RYK: variants seen among roughly 807,000 people sequenced by gnomAD.
RYK encodes the protein inactive tyrosine-protein kinase RYK.
Under a neutral mutation model 70.2 loss-of-function variants are expected in RYK, and 21 were observed. The ratio of observed to expected loss-of-function variants is 0.30; its 90% confidence interval spans 0.21 to 0.43. The LOEUF is 0.43. RYK is among the 20% of genes least tolerant of loss of function. RYK has a pLI of 1.00. For synonymous variants in RYK, 267 were observed against 278.0 expected (o/e 0.96, Z 0.39); for missense variants, 604 against 753.3 (o/e 0.80, Z 2.32).
intron 5 of RYK, among the ~76,000 whole-genome samples, chr3:134,204,619 A>ACACACG (rs1354112150): frequency 6.8e-6 from 1 of 147,624 alleles, no homozygotes; most frequent in Middle Eastern, 3.3e-3. Flanking sequence ...ACACACACAC[A>ACACACG]CACACACACG....
intron 2 of RYK, among the ~76,000 whole-genome samples, chr3:134,220,893 T>C (rs2014714579): frequency 6.6e-6 from 1 of 152,196 alleles, no homozygotes. Flanking sequence ...AAGGGAAGCA[T>C]TGTTTGAAAT....
intron 7 of RYK, among the ~76,000 whole-genome samples, chr3:134,193,945 C>T (rs1190687040): frequency 2.6e-5 from 4 of 152,146 alleles, no homozygotes; most frequent in Non-Finnish European, 4.4e-5. Context: ...ACATCATATC[C>T]TTGGGTACGA....
At position 134,177,991 on chromosome 3, in the gene RYK, G is replaced by T; in HGVS notation, c.1255C>A (p.Leu419Ile). The change falls in exon 11 of 15, where the codon CTT becomes ATT. Residue 419 changes from leucine (L) to isoleucine (I), a missense_variant. Coordinates refer to ENST00000623711, the MANE Select transcript of RYK (RefSeq NM_002958.4). Reference protein sequence around the residue: ...VILPYMNWGNLKLFLRQCKLV... With the variant: ...VILPYMNWGNIKLFLRQCKLV... ...TTGCACTGTCGTAAAAACAATTTAAGATTCCCCCAATTCATGTAAGGCAAT... is the reference window on the plus strand; with the variant it reads ...TTGCACTGTCGTAAAAACAATTTAATATTCCCCCAATTCATGTAAGGCAAT... 6.2e-7 allele frequency: 1 copy of T among 1,612,970 alleles called. No individual in the cohort carries two copies. Among genetic ancestry groups the T allele is most frequent in the Non-Finnish European group, 8.5e-7 (1 of 1,179,276 alleles).
At chr3:134,208,902 G>T (rs2014302282) in intron 4 of RYK, among the ~76,000 whole-genome samples, 1 of 151,948 alleles carries the variant, frequency 6.6e-6, no homozygotes, top group Non-Finnish European at 1.5e-5. Context: ...CTGAGGGTTT[G>T]CGAGGTTTTT....
rs148339956 is a variant in RYK at position 134,197,895 on chromosome 3, CTG to C, written c.789-2715_789-2714del. Among the ~76,000 whole-genome samples, 826 of 152,324 alleles carry C rather than the reference CTG, an allele frequency of 5.4e-3. 3 individuals carry two copies. The highest frequency in any genetic ancestry group is 0.01 in the Non-Finnish European group (682 of 68,022). ...TGCTACCTCAGAATTTTTGAAAAGA[CTG>C]TAGGCACACAAAGGCGTTACAGGGA... is the stretch of plus-strand genomic sequence containing the variant. On this transcript the variant is annotated intron_variant, in intron 6 of 14. Coordinates refer to ENST00000623711, the MANE Select transcript of RYK (RefSeq NM_002958.4).
intron 1 of RYK, among the ~76,000 whole-genome samples, chr3:134,249,917 G>GTTTTGTTTTTTTTTTTTTTTTTTTTTT (rs2015564308): frequency 1.1e-5 from 1 of 93,366 alleles, no homozygotes; most frequent in African/African-American, 5.3e-5. Flanking sequence ...TTTCTCTCTC[G>GTTTTGTTTTTTTTTTTTTTTTTTTTTT]TTTTTTTTTT....
intron 1 of RYK, among the ~76,000 whole-genome samples, chr3:134,229,176 G>C (rs999185623): frequency 2.6e-5 from 4 of 152,004 alleles, no homozygotes; most frequent in Non-Finnish European, 5.9e-5. Context: ...GGATAGAAGA[G>C]GCCCTGTCTG....
chr3:134,233,993 T>TA (rs375942626), intron 1 of RYK, among the ~76,000 whole-genome samples: 176 of 152,204 alleles, frequency 1.2e-3, no homozygotes, highest in African/African-American at 4.1e-3. Flanking sequence ...TGTTCCACTT[T>TA]AAAAAAAGGG....
chr3:134,167,006 T>C (rs1289974615), intron 13 of RYK, among the ~76,000 whole-genome samples: 1 of 152,234 alleles, frequency 6.6e-6, no homozygotes, highest in African/African-American at 2.4e-5. Flanking sequence ...CTGTCTTTAA[T>C]ATTTATTTCT....
chr3:134,187,422 TA>T (rs2013499820), intron 9 of RYK, among the ~76,000 whole-genome samples: 1 of 152,206 alleles, frequency 6.6e-6, no homozygotes, highest in Admixed American at 6.5e-5. Context: ...GGGAAAGTGC[TA>T]AATTTGTTTT....
intron 1 of RYK, among the ~76,000 whole-genome samples, chr3:134,232,347 A>AC (rs1304538650): frequency 6.6e-6 from 1 of 152,060 alleles, no homozygotes; most frequent in East Asian, 1.9e-4. Flanking sequence ...TCACTCCTCT[A>AC]CTTCCTGTCC....
At chr3:134,234,877 G>C (rs1291919257) in intron 1 of RYK, among the ~76,000 whole-genome samples, 4 of 151,936 alleles carry the variant, frequency 2.6e-5, no homozygotes, top group Non-Finnish European at 4.4e-5. Flanking sequence ...AATATGAAGA[G>C]AACCAAATAT....
intron 1 of RYK, among the ~76,000 whole-genome samples, chr3:134,237,484 G>C (rs1259878539): frequency 6.6e-6 from 1 of 151,604 alleles, no homozygotes; most frequent in Non-Finnish European, 1.5e-5. Flanking sequence ...ATCAAAGATG[G>C]GTTTTAAAGA....
chr3:134,161,992 TG>T (rs1483910181), intron 13 of RYK, among the ~76,000 whole-genome samples: 1 of 152,204 alleles, frequency 6.6e-6, no homozygotes, highest in Non-Finnish European at 1.5e-5. Flanking sequence ...AATCTTTCCT[TG>T]CCTATTCCCA....
intron 13 of RYK, among the ~76,000 whole-genome samples, chr3:134,161,251 A>C (rs1466526569): frequency 6.6e-6 from 1 of 152,220 alleles, no homozygotes; most frequent in Non-Finnish European, 1.5e-5. Flanking sequence ...ATTAAACATG[A>C]AATGATATAA....
intron 1 of RYK, among the ~76,000 whole-genome samples, chr3:134,249,473 C>T (rs556596081): frequency 2.9e-4 from 44 of 152,206 alleles, no homozygotes; most frequent in South Asian, 2.7e-3. Context: ...AAAGATACTG[C>T]CATAATAACA....
chr3:134,174,018 A>G (rs1037452580), intron 13 of RYK, among the ~76,000 whole-genome samples: 11 of 152,196 alleles, frequency 7.2e-5, no homozygotes, highest in Admixed American at 7.2e-4. Flanking sequence ...GGAAAAGTTT[A>G]TTCTGGATTA....
intron 1 of RYK, among the ~76,000 whole-genome samples, chr3:134,248,670 A>G (rs1322373849): frequency 6.6e-6 from 1 of 151,948 alleles, no homozygotes; most frequent in Non-Finnish European, 1.5e-5. Flanking sequence ...TACAAAAAAT[A>G]GCCAGAAGTG....
At chr3:134,230,717 G>A (rs1171537994) in intron 1 of RYK, among the ~76,000 whole-genome samples, 3 of 152,172 alleles carry the variant, frequency 2.0e-5, no homozygotes, top group African/African-American at 7.2e-5. Flanking sequence ...GAATTTCTGG[G>A]GTGATGGAAA....
Sources: gnomAD v4.1 joint callset for allele counts (sites outside exome capture counted in the v4.1 genomes callset) on GRCh38, gnomAD v4.1.1 for gene constraint, MANE v1.5 for transcripts, NCBI Gene and HGNC (gene_info 2026-07-23, HGNC 2026-07-21) for gene names.